Variants in DMD observed in about 807,000 individuals in gnomAD.
The protein encoded by DMD is dystrophin.
Under a neutral mutation model 330.1 loss-of-function variants are expected in DMD, and 63 were observed. The observed-to-expected ratio is 0.19, with a 90% CI of 0.16 to 0.24. DMD has a LOEUF of 0.24. Among genes scored for constraint, DMD ranks in the 10% least tolerant of loss-of-function variants. The pLI, the probability that DMD is intolerant of heterozygous loss-of-function variation, is 1.00. For synonymous variants in DMD, 1,223 were observed against 959.8 expected (o/e 1.27, Z -5.07); for missense variants, 3,344 against 2,684.1 (o/e 1.25, Z -5.43).
chrX:32,704,224 C>G (rs2064391911), intron 7 of DMD, among the ~76,000 whole-genome samples: 1 of 95,487 alleles, frequency 1.0e-5, no homozygotes, highest in Non-Finnish European at 1.9e-5. Context: ...AGTCATTGCA[C>G]TACACTGCCA....
intron 16 of DMD, among the ~76,000 whole-genome samples, chrX:32,555,056 A>C (rs983628652): frequency 9.1e-6 from 1 of 109,799 alleles, no homozygotes; most frequent in Non-Finnish European, 1.9e-5. Flanking sequence ...AACAATTCTC[A>C]ATACCAGCAA....
chrX:32,684,426 C>A (rs2062696814), intron 9 of DMD, among the ~76,000 whole-genome samples: 1 of 111,310 alleles, frequency 9.0e-6, no homozygotes, highest in Admixed American at 9.6e-5. Flanking sequence ...ATGGTGATCA[C>A]TATTCAAGTG....
chrX:31,687,408 G>A (rs2082755046), intron 52 of DMD, among the ~76,000 whole-genome samples: 1 of 111,011 alleles, frequency 9.0e-6, no homozygotes, highest in African/African-American at 3.3e-5. Context: ...AGCATTTTTG[G>A]TCCTGCCTTG....
intron 44 of DMD, among the ~76,000 whole-genome samples, chrX:32,146,458 G>A (rs190036103): frequency 9.0e-6 from 1 of 110,743 alleles, no homozygotes. Flanking sequence ...CAGCCAGATG[G>A]GTATATATGG....
chrX:31,820,365 A>C (rs960293686), intron 49 of DMD, among the ~76,000 whole-genome samples: 1 of 112,146 alleles, frequency 8.9e-6, no homozygotes, highest in East Asian at 2.8e-4. Context: ...AACAAAAAAC[A>C]GTTCCCTCTC....
chrX:32,949,307 T>G (rs1452369782), intron 2 of DMD, among the ~76,000 whole-genome samples: 1 of 102,839 alleles, frequency 9.7e-6, no homozygotes, highest in Non-Finnish European at 2.0e-5. Context: ...CATAATATAT[T>G]AGATGATAGA....
intron 7 of DMD, among the ~76,000 whole-genome samples, chrX:32,768,177 A>G (rs776446457): frequency 8.9e-6 from 1 of 112,039 alleles, no homozygotes; most frequent in East Asian, 2.8e-4. Flanking sequence ...TTAAAAAATG[A>G]ATATGCTATC....
chrX:32,170,225 C>G (rs1214157952), intron 44 of DMD, among the ~76,000 whole-genome samples: 1 of 109,902 alleles, frequency 9.1e-6, no homozygotes, highest in Non-Finnish European at 1.9e-5. Context: ...AATCCCAGCA[C>G]TTTGGGAGGC....
At chrX:32,917,519 A>G (rs757280878) in intron 2 of DMD, among the ~76,000 whole-genome samples, 1 of 111,966 alleles carries the variant, frequency 8.9e-6, no homozygotes, top group Admixed American at 9.5e-5. Flanking sequence ...TCAAATGAGA[A>G]CATTTCCTAA....
chrX:31,528,591 C>A (rs1041888802), intron 55 of DMD, among the ~76,000 whole-genome samples: 1 of 112,369 alleles, frequency 8.9e-6, no homozygotes, highest in Non-Finnish European at 1.9e-5. Flanking sequence ...TGAGCGCACT[C>A]GAGGCGCTCA....
intron 4 of DMD, among the ~76,000 whole-genome samples, chrX:32,826,933 C>T (rs1426800981): frequency 1.3e-4 from 14 of 110,084 alleles, no homozygotes; most frequent in Non-Finnish European, 2.5e-4. Flanking sequence ...TTTAAAAAAT[C>T]ATATGCTACA....
chrX:32,190,168 T>C (rs959963740), intron 44 of DMD, among the ~76,000 whole-genome samples: 2 of 111,096 alleles, frequency 1.8e-5, no homozygotes, highest in East Asian at 2.8e-4. Flanking sequence ...CATCCTATAG[T>C]GGACAGGGCA....
intron 61 of DMD, among the ~76,000 whole-genome samples, chrX:31,330,040 C>T (rs2057028299): frequency 1.0e-5 from 1 of 99,660 alleles, no homozygotes; most frequent in Admixed American, 1.1e-4. Context: ...TGCACAGACA[C>T]ACACAAAAGC....
At chrX:31,887,640 T>C (rs752060588) in intron 47 of DMD, among the ~76,000 whole-genome samples, 2 of 112,240 alleles carry the variant, frequency 1.8e-5, no homozygotes, top group Non-Finnish European at 3.8e-5. Flanking sequence ...TTAATCCCTC[T>C]GGAAGGAAAT....
chrX:32,170,665 G>C (rs2096884521), intron 44 of DMD, among the ~76,000 whole-genome samples: 2 of 109,546 alleles, frequency 1.8e-5, no homozygotes, highest in South Asian at 8.0e-4. Flanking sequence ...TTCCAGACCA[G>C]TGTTTCCCAA....
At position 31,583,825 on chromosome X, in the gene DMD, G is replaced by A. The variant is rs756006855; in HGVS notation, c.8217+43848C>T. 3.4e-3 allele frequency among the ~76,000 whole-genome samples: 367 copies of A among 108,223 alleles called. 3 individuals are homozygous for A. Among genetic ancestry groups the A allele is most frequent in the African/African-American group, 0.012 (343 of 29,731 alleles). 94.0% of individuals were successfully genotyped at this position (108,223 alleles called of 115,157 possible). A position where few individuals can be genotyped will look rare whatever the true frequency, so the allele number is the denominator to read the frequency against. The stretch of plus-strand genomic sequence containing the variant: ...CACAACGTGAAGGTTAGTTACATAT[G>A]TATACATGTGCCATGTTGGTGTGCT... On this transcript the variant is annotated intron_variant, in intron 55 of 78. Transcript: ENST00000357033.
chrX:31,607,752 A>G (rs113640463), intron 55 of DMD, among the ~76,000 whole-genome samples: 9 of 112,475 alleles, frequency 8.0e-5, no homozygotes, highest in African/African-American at 2.9e-4. Flanking sequence ...ACATATAAAA[A>G]GATTGTCGTC....
intron 17 of DMD, among the ~76,000 whole-genome samples, chrX:32,536,609 C>G (rs1278467765): frequency 2.7e-5 from 3 of 112,106 alleles, no homozygotes; most frequent in African/African-American, 9.7e-5. Flanking sequence ...AGTCACTGAA[C>G]AAACGATTTG....
chrX:32,229,130 T>C (rs1461715480), intron 43 of DMD, among the ~76,000 whole-genome samples: 1 of 110,990 alleles, frequency 9.0e-6, no homozygotes, highest in African/African-American at 3.3e-5. Context: ...GTAAACACTG[T>C]ATTAGCTTGT....
Sources: gnomAD v4.1 joint callset for allele counts (sites outside exome capture counted in the v4.1 genomes callset) on GRCh38, gnomAD v4.1.1 for gene constraint, MANE v1.5 for transcripts, NCBI Gene and HGNC (gene_info 2026-07-23, HGNC 2026-07-21) for gene names.